The following XRCC5 variants were observed in gnomAD, a reference collection of about 807,000 sequenced individuals.
XRCC5 encodes X-ray repair cross complementing 5.
Under a neutral mutation model 95.7 loss-of-function variants are expected in XRCC5, and 12 were observed. That is an observed-to-expected ratio of 0.13 (90% CI 0.08 to 0.20). The LOEUF is 0.20. Among genes scored for constraint, XRCC5 ranks in the 10% least tolerant of loss-of-function variants. XRCC5 has a pLI of 1.00. For missense variants in XRCC5, 595 were observed against 873.9 expected, an observed-to-expected ratio of 0.68 and a Z score of 4.02; for synonymous variants, 281 against 290.3, an observed-to-expected ratio of 0.97 and a Z score of 0.33.
intron 16 of XRCC5, among the ~76,000 whole-genome samples, chr2:216,170,974 T>A (rs1463868887): frequency 2.6e-5 from 4 of 152,234 alleles, no homozygotes; most frequent in Non-Finnish European, 5.9e-5. Context: ...TCAAGATTGC[T>A]CCTTAAGCCC....
intron 14 of XRCC5, among the ~76,000 whole-genome samples, chr2:216,152,079 C>T (rs186032674): frequency 3.3e-5 from 5 of 152,246 alleles, no homozygotes; most frequent in East Asian, 1.9e-4. Flanking sequence ...ATGAGGGAAC[C>T]GCCCCCATAA....
At chr2:216,115,124 A>C (rs753926739) in intron 2 of XRCC5, among the ~76,000 whole-genome samples, 22 of 152,152 alleles carry the variant, frequency 1.4e-4, no homozygotes, top group Non-Finnish European at 2.9e-4. Flanking sequence ...CACTTTGCTT[A>C]AAATAAATTT....
intron 7 of XRCC5, among the ~76,000 whole-genome samples, 195 bp from the exon 8 acceptor site, chr2:216,127,341 T>C (rs1340295465): frequency 1.3e-5 from 2 of 152,176 alleles, no homozygotes; most frequent in Non-Finnish European, 2.9e-5. Flanking sequence ...GAAAATGAAA[T>C]GTAGAGAAGG....
chr2:216,191,295 A>C (rs1689607891), intron 17 of XRCC5, among the ~76,000 whole-genome samples: 1 of 152,170 alleles, frequency 6.6e-6, no homozygotes, highest in African/African-American at 2.4e-5. Flanking sequence ...CAGTGTCCTT[A>C]AAAATACTAG....
intron 15 of XRCC5, among the ~76,000 whole-genome samples, chr2:216,161,670 G>T (rs1688954748): frequency 6.6e-6 from 1 of 152,210 alleles, no homozygotes; most frequent in Admixed American, 6.5e-5. Context: ...CAGGCAGTCT[G>T]TGCTACACAA....
chr2:216,156,517 T>C (rs532115348), intron 14 of XRCC5: 2 of 615,070 alleles, frequency 3.3e-6, no homozygotes, highest in Middle Eastern at 2.8e-4. Context: ...AAAACAAGAC[T>C]TCCTCCATCA....
intron 16 of XRCC5, among the ~76,000 whole-genome samples, chr2:216,165,998 A>G (rs1689049028): frequency 6.6e-6 from 1 of 152,164 alleles, no homozygotes; most frequent in African/African-American, 2.4e-5. Context: ...GAGAGGAGAT[A>G]ACCAATGCCC....
intron 7 of XRCC5, among the ~76,000 whole-genome samples, chr2:216,126,941 T>C (rs1696908850): frequency 6.6e-6 from 1 of 151,794 alleles, no homozygotes; most frequent in Non-Finnish European, 1.5e-5. Flanking sequence ...TATGATAAAA[T>C]GTATAGTCCT....
chr2:216,122,116 C>A lies in XRCC5; in HGVS notation c.546C>A (p.Pro182=), dbSNP rs762843882. The part of the protein sequence containing the change: ...EDGSGDRGDG[P]FRLGGHGPSF... ...GAAGTGGGGACAGAGGAGATGGCCC[C>A]TTTCGCTTAGGTGGCCATGGGCCTT... is the stretch of plus-strand genomic sequence containing the variant. The change falls in exon 6 of 21, where the codon CCC becomes CCA. Residue 182 remains proline, a synonymous_variant. Coordinates refer to ENST00000392132, the MANE Select transcript of XRCC5 (RefSeq NM_021141.4). The A allele has an allele frequency of 1.2e-6, 2 of 1,614,020 alleles. No individual in the cohort carries two copies. The highest frequency in any genetic ancestry group is 2.7e-5 in the African/African-American group (2 of 74,924).
intron 10 of XRCC5, among the ~76,000 whole-genome samples, chr2:216,133,695 T>A (rs754226822): frequency 3.9e-5 from 6 of 152,230 alleles, no homozygotes; most frequent in Non-Finnish European, 8.8e-5. Flanking sequence ...TAGGATCACT[T>A]TGAGATAACT....
At chr2:216,177,010 T>C (rs1661290095) in intron 16 of XRCC5, among the ~76,000 whole-genome samples, 1 of 152,248 alleles carries the variant, frequency 6.6e-6, no homozygotes, top group Admixed American at 6.5e-5. Context: ...ATTTCCCAAT[T>C]TCTTCCTGTT....
At chr2:216,171,659 G>T (rs1272357043) in intron 16 of XRCC5, among the ~76,000 whole-genome samples, 1 of 152,134 alleles carries the variant, frequency 6.6e-6, no homozygotes, top group African/African-American at 2.4e-5. Flanking sequence ...TTGAAGTCAG[G>T]AGCCATTGCT....
chr2:216,182,701 G>T (rs1689412434), intron 16 of XRCC5, among the ~76,000 whole-genome samples: 1 of 152,080 alleles, frequency 6.6e-6, no homozygotes, highest in South Asian at 2.1e-4. Context: ...TCTTATGTTA[G>T]CATAATGTCT....
intron 15 of XRCC5, among the ~76,000 whole-genome samples, chr2:216,161,749 G>A (rs563154736): frequency 2.6e-4 from 40 of 152,340 alleles, no homozygotes; most frequent in African/African-American, 9.1e-4. Flanking sequence ...AAAGAAATCA[G>A]CTTTCATAAA....
intron 1 of XRCC5, among the ~76,000 whole-genome samples, chr2:216,110,883 T>G (rs539780258): frequency 4.0e-5 from 6 of 149,746 alleles, no homozygotes; most frequent in Non-Finnish European, 7.3e-5. Context: ...TTGTGGTTTA[T>G]TAGCACGTTT....
At chr2:216,133,913 G>A (rs1697030727) in intron 10 of XRCC5, among the ~76,000 whole-genome samples, 1 of 152,204 alleles carries the variant, frequency 6.6e-6, no homozygotes, top group Non-Finnish European at 1.5e-5. Context: ...AGGAGGGATG[G>A]CAGACATAAT....
At chr2:216,137,014 C>T in intron 10 of XRCC5, 74 bp from the exon 11 acceptor site, 2 of 1,518,832 alleles carry the variant, frequency 1.3e-6, no homozygotes, top group East Asian at 4.7e-5. Context: ...TGATAACAGT[C>T]TTAAAGTATT....
chr2:216,131,114 G>T, intron 9 of XRCC5, 127 bp downstream of exon 9: 2 of 1,409,956 alleles, frequency 1.4e-6, no homozygotes, highest in East Asian at 2.6e-5. Context: ...TGTAGTCTGG[G>T]GGTTAATGTT....
chr2:216,162,222 A>G (rs1688966487), intron 16 of XRCC5, among the ~76,000 whole-genome samples, 174 bp downstream of exon 16: 2 of 152,212 alleles, frequency 1.3e-5, no homozygotes, highest in Non-Finnish European at 2.9e-5. Flanking sequence ...TGAGCACATG[A>G]AAGTGAACTC....
Sources: allele counts gnomAD v4.1 joint callset (sites outside exome capture counted in the v4.1 genomes callset), GRCh38; gene constraint gnomAD v4.1.1; transcripts MANE v1.5; gene names NCBI Gene and HGNC (gene_info 2026-07-23, HGNC 2026-07-21).